The following NXF3 variants were observed in gnomAD, a reference collection of about 807,000 sequenced individuals.
The protein encoded by NXF3 is TAP-like protein 3.
NXF3 carries 34 observed loss-of-function variants against 48.4 expected under a neutral mutation model. The observed-to-expected ratio is 0.70, with a 90% CI of 0.53 to 0.93. The LOEUF is 0.93. Ranked by LOEUF, NXF3 falls within the 40% of genes least tolerant of loss-of-function variation. NXF3 has a pLI of 0.00. For synonymous variants in NXF3, 132 were observed against 145.7 expected, an observed-to-expected ratio of 0.91 and a Z score of 0.68; for missense variants, 359 against 406.1, an observed-to-expected ratio of 0.88 and a Z score of 1.00.
intron 1 of NXF3, chrX:103,087,063 C>A (rs776866270): frequency 5.5e-4 from 180 of 324,845 alleles, no homozygotes; most frequent in African/African-American, 4.3e-3. Flanking sequence ...ATTTCTTGTT[C>A]GCCTACTTTC....
Position 103,079,339 on chromosome X carries a change from G to A in NXF3, c.1335+20C>T. On this transcript the variant is annotated intron_variant, in intron 15 of 19. Transcript: ENST00000395065. Reference sequence around the variant, plus strand: ...CCTCTGGCTTTCTGGGCCTGCCCAAGGGAGGAAGCAGGTACTCACCGTCTG... The same window carrying A: ...CCTCTGGCTTTCTGGGCCTGCCCAAAGGAGGAAGCAGGTACTCACCGTCTG... 8.3e-7 allele frequency: 1 copy of A among 1,208,183 alleles called. No homozygotes were observed. Among genetic ancestry groups the A allele is most frequent in the Non-Finnish European group, 1.1e-6 (1 of 891,988 alleles).
At chrX:103,085,795 C>T (rs1191828532) in intron 1 of NXF3, among the ~76,000 whole-genome samples, 4 of 103,698 alleles carry the variant, frequency 3.9e-5, no homozygotes, top group South Asian at 4.5e-4. Context: ...CCCAGCTACT[C>T]GGGAGGCTGA....
chrX:103,093,089 G>GA lies in NXF3; in HGVS notation c.-67dup. ...TGTGGCCTGGGGACGGGAGTTTGGA[G>GA]AAGATTGAGGAGGGCTGCTGACGAA... On this transcript the variant is annotated 5_prime_UTR_variant, in exon 1 of 20. Coordinates refer to ENST00000395065, the MANE Select transcript of NXF3 (RefSeq NM_022052.2). The GA allele has an allele frequency of 2.9e-6, 3 of 1,029,060 alleles. No individual in the cohort carries two copies. The highest frequency in any genetic ancestry group is 4.1e-6 in the Non-Finnish European group (3 of 733,539). 84.8% of individuals were successfully genotyped at this position (1,029,060 alleles called of 1,213,427 possible). A position where few individuals can be genotyped will look rare whatever the true frequency, so the allele number is the denominator to read the frequency against.
At chrX:103,077,022 C>T (rs371243772) in intron 18 of NXF3, among the ~76,000 whole-genome samples, 30 of 111,125 alleles carry the variant, frequency 2.7e-4, no homozygotes, top group African/African-American at 9.2e-4. Context: ...ATGATTGAGA[C>T]TTGTCTCATC....
At chrX:103,080,317 T>C in intron 10 of NXF3, 101 bp from the exon 11 acceptor site, 2 of 854,876 alleles carry the variant, frequency 2.3e-6, no homozygotes, top group Non-Finnish European at 3.4e-6. Context: ...AGAAATCAGG[T>C]GTGAAAGCGT....
At chrX:103,082,226 C>T (rs769214273) in intron 9 of NXF3, 29 bp downstream of exon 9, 1 of 1,041,142 alleles carries the variant, frequency 9.6e-7, no homozygotes, top group South Asian at 1.9e-5. Context: ...AGGTCAGGGT[C>T]CCAGGTGGTG....
chrX:103,080,138 C>G lies in NXF3; in HGVS notation c.996+10G>C. On this transcript the variant is annotated intron_variant, in intron 11 of 19. Transcript: ENST00000395065. ...CTCATGCACCACCCTGCTGGATCCTCTCTTCTCACCTTACAGGTTGGTAAC... is the reference window on the plus strand; with the variant it reads ...CTCATGCACCACCCTGCTGGATCCTGTCTTCTCACCTTACAGGTTGGTAAC... The G allele has an allele frequency of 8.3e-7, 1 of 1,210,959 alleles. No individual in the cohort carries two copies. Among genetic ancestry groups the G allele is most frequent in the African/African-American group, 1.7e-5 (1 of 57,694 alleles).
At chrX:103,086,450 T>C (rs1922158269) in intron 1 of NXF3, among the ~76,000 whole-genome samples, 1 of 110,976 alleles carries the variant, frequency 9.0e-6, no homozygotes, top group African/African-American at 3.3e-5. Context: ...GGATAAACAC[T>C]ACAACAATGG....
At chrX:103,087,135 C>T (rs1403725477) in intron 1 of NXF3, 1 of 469,445 alleles carries the variant, frequency 2.1e-6, no homozygotes, top group Non-Finnish European at 3.6e-6. Flanking sequence ...AGGCTTTCAG[C>T]CTTGAGGCAA....
chrX:103,082,218 G>T, intron 9 of NXF3, 37 bp downstream of exon 9: 1 of 996,163 alleles, frequency 1.0e-6, no homozygotes, highest in Non-Finnish European at 1.4e-6. Flanking sequence ...TCAAACACAG[G>T]TCAGGGTCCC....
chrX:103,081,026 C>A, intron 9 of NXF3: 1 of 166,749 alleles, frequency 6.0e-6, no homozygotes, highest in Non-Finnish European at 1.1e-5. Flanking sequence ...ATGGCAGAAA[C>A]GGGGTGAAGG....
intron 3 of NXF3, among the ~76,000 whole-genome samples, 179 bp from the exon 4 acceptor site, chrX:103,083,871 T>A (rs901628888): frequency 8.9e-6 from 1 of 112,389 alleles, no homozygotes; most frequent in Non-Finnish European, 1.9e-5. Context: ...ATATCTATTA[T>A]TTCTAACCAA....
chrX:103,080,460 G>T, intron 10 of NXF3, 116 bp downstream of exon 10: 1 of 781,413 alleles, frequency 1.3e-6, no homozygotes, highest in East Asian at 3.2e-5. Flanking sequence ...CCACTCCCTT[G>T]AGGTTTAAGG....
At chrX:103,087,938 A>G (rs1922192786) in intron 1 of NXF3, 2 of 939,656 alleles carry the variant, frequency 2.1e-6, no homozygotes, top group Non-Finnish European at 3.0e-6. Flanking sequence ...CTTTTATTAA[A>G]GAAGAGGCAT....
chrX:103,077,070 C>A (rs1921887445), intron 18 of NXF3, among the ~76,000 whole-genome samples: 1 of 110,607 alleles, frequency 9.0e-6, no homozygotes, highest in Non-Finnish European at 1.9e-5. Flanking sequence ...AAGTACTGTA[C>A]ACCTGTTCAA....
At chrX:103,088,896 G>A in intron 1 of NXF3, 2 of 1,192,726 alleles carry the variant, frequency 1.7e-6, no homozygotes, top group Non-Finnish European at 2.3e-6. Context: ...TCAGGCTCCT[G>A]GTGTTCAAAA....
chrX:103,090,031 T>C (rs1172935112), intron 1 of NXF3, among the ~76,000 whole-genome samples: 1 of 111,374 alleles, frequency 9.0e-6, no homozygotes, highest in Non-Finnish European at 1.9e-5. Flanking sequence ...CCAAGTGCCA[T>C]AGTCTTTTTC....
intron 1 of NXF3, chrX:103,087,779 T>A: frequency 1.1e-6 from 1 of 926,213 alleles, no homozygotes; most frequent in Non-Finnish European, 1.6e-6. Context: ...GTGTAGTAAA[T>A]CTTTTTGACA....
chrX:103,087,774 G>A lies in NXF3; in HGVS notation c.29-2891C>T. On this transcript the variant is annotated intron_variant, in intron 1 of 19. Coordinates refer to ENST00000395065, the MANE Select transcript of NXF3 (RefSeq NM_022052.2). ...AGGCCTTTTAAATGTCTCTCGTGTA[G>A]TAAATCTTTTTGACAGTCACCTCAC... 3 of 940,242 alleles carry A rather than the reference G, an allele frequency of 3.2e-6. No homozygotes were observed. The South Asian group carries it at 6.3e-5, about 20-fold the overall frequency. The allele number at this position is 940,242 out of a possible 1,213,427, so 77.5% of individuals were successfully genotyped here. A position where few individuals can be genotyped will look rare whatever the true frequency, so the allele number is the denominator to read the frequency against.
Sources: allele counts gnomAD v4.1 joint callset (sites outside exome capture counted in the v4.1 genomes callset), GRCh38; gene constraint gnomAD v4.1.1; transcripts MANE v1.5; gene names NCBI Gene and HGNC (gene_info 2026-07-23, HGNC 2026-07-21).